The following PCGF6 variants were observed in gnomAD, a reference collection of about 807,000 sequenced individuals.
The protein encoded by PCGF6 is polycomb group ring finger 6, also known as polycomb group RING finger protein 6.
In PCGF6, 24 loss-of-function variants were observed where a neutral mutation model predicts 45.5. The observed-to-expected ratio is 0.53, with a 90% confidence interval of 0.38 to 0.74. PCGF6 has a LOEUF of 0.74. PCGF6 is among the 30% of genes least tolerant of loss of function. PCGF6 has a pLI of 0.00. For synonymous variants in PCGF6, 152 were observed against 162.1 expected (o/e 0.94, Z 0.47); for missense variants, 356 against 443.2 (o/e 0.80, Z 1.77).
intron 6 of PCGF6, among the ~76,000 whole-genome samples, chr10:103,341,190 T>C (rs569789456): frequency 5.3e-5 from 8 of 150,362 alleles, no homozygotes; most frequent in South Asian, 2.2e-4. Context: ...GATTGCGCCA[T>C]TGCACTCCAG....
At chr10:103,344,720 G>A (rs558248392) in intron 6 of PCGF6, among the ~76,000 whole-genome samples, 202 of 151,544 alleles carry the variant, frequency 1.3e-3, no homozygotes, top group South Asian at 2.1e-3. Context: ...CCGCCACCAC[G>A]CCCAGCTAAT....
intron 7 of PCGF6, among the ~76,000 whole-genome samples, chr10:103,332,216 G>GT (rs1395290253): frequency 1.3e-5 from 2 of 152,110 alleles, no homozygotes; most frequent in Admixed American, 6.6e-5. Context: ...TTTTTCATGT[G>GT]TAAGAACCAC....
intron 7 of PCGF6, among the ~76,000 whole-genome samples, chr10:103,330,177 C>T (rs2093234986): frequency 6.6e-6 from 1 of 151,946 alleles, no homozygotes; most frequent in Non-Finnish European, 1.5e-5. Context: ...CGGGTTCAAG[C>T]AATTCTCCTG....
chr10:103,306,542 T>G (rs2093138886), intron 9 of PCGF6, among the ~76,000 whole-genome samples: 1 of 152,210 alleles, frequency 6.6e-6, no homozygotes, highest in Non-Finnish European at 1.5e-5. Context: ...GTATTTCCAG[T>G]GCTGCTCTGG....
At chr10:103,318,326 C>T (rs1248793141) in intron 8 of PCGF6, among the ~76,000 whole-genome samples, 1 of 151,226 alleles carries the variant, frequency 6.6e-6, no homozygotes, top group Non-Finnish European at 1.5e-5. Flanking sequence ...ACCTGTAATC[C>T]CAGCTACTCA....
chr10:103,318,095 C>T (rs1337711283), intron 8 of PCGF6, among the ~76,000 whole-genome samples: 1 of 150,794 alleles, frequency 6.6e-6, no homozygotes, highest in Non-Finnish European at 1.5e-5. Flanking sequence ...GTGTATGGTC[C>T]TAGAACACTA....
chr10:103,335,891 C>T (rs1411216869), intron 6 of PCGF6, among the ~76,000 whole-genome samples: 2 of 151,756 alleles, frequency 1.3e-5, no homozygotes, highest in African/African-American at 2.4e-5. Flanking sequence ...TGCTTGAACC[C>T]GGGAGGCGGA....
intron 7 of PCGF6, among the ~76,000 whole-genome samples, chr10:103,327,374 G>A (rs1270246331): frequency 6.6e-6 from 1 of 152,136 alleles, no homozygotes; most frequent in Non-Finnish European, 1.5e-5. Flanking sequence ...AAAACATTAA[G>A]GGGTGTAAAT....
chr10:103,333,802 T>G (rs2093247987), intron 7 of PCGF6, 123 bp downstream of exon 7: 1 of 643,784 alleles, frequency 1.6e-6, no homozygotes, highest in Non-Finnish European at 2.5e-6. Context: ...ATCTATAATA[T>G]TATTAAATGT....
rs2093303459 is a variant in PCGF6, at chr10:103,347,388, AACTT to A, written c.613+3_613+6del. 1 of 1,600,822 alleles carries A rather than the reference AACTT, an allele frequency of 6.2e-7. No homozygotes were observed. Among genetic ancestry groups the A allele is most frequent in the Non-Finnish European group, 8.6e-7 (1 of 1,168,654 alleles). On this transcript the variant is annotated splice_donor_5th_base_variant and intron_variant, in intron 4 of 9. Transcript: ENST00000369847. The stretch of plus-strand genomic sequence containing the variant: ...GGATTCACAACCATGTAATAAAAGA[AACTT>A]ACTTTCCTCTAGATTGATCACTAAT...
chr10:103,331,658 A>G (rs1012190484), intron 7 of PCGF6, among the ~76,000 whole-genome samples: 1 of 152,192 alleles, frequency 6.6e-6, no homozygotes, highest in African/African-American at 2.4e-5. Context: ...ACTTTTCTCA[A>G]TAGGTTTCAT....
At chr10:103,320,975 T>A (rs548123554) in intron 8 of PCGF6, among the ~76,000 whole-genome samples, 1 of 152,326 alleles carries the variant, frequency 6.6e-6, no homozygotes, top group African/African-American at 2.4e-5. Context: ...ATATTAGAAG[T>A]AACTCTTAAT....
At chr10:103,324,679 G>T (rs537072068) in intron 8 of PCGF6, among the ~76,000 whole-genome samples, 1 of 146,372 alleles carries the variant, frequency 6.8e-6, no homozygotes, top group African/African-American at 2.5e-5. Context: ...AGAATCACTT[G>T]AACCCGGGAG....
intron 9 of PCGF6, among the ~76,000 whole-genome samples, chr10:103,312,173 C>G (rs1362151507): frequency 6.7e-6 from 1 of 149,450 alleles, no homozygotes; most frequent in South Asian, 2.1e-4. Flanking sequence ...GCAGGCAGAT[C>G]AGGAGGTCAG....
intron 8 of PCGF6, among the ~76,000 whole-genome samples, 176 bp from the exon 9 acceptor site, chr10:103,314,448 TA>T (rs1306412343): frequency 2.0e-5 from 3 of 152,248 alleles, no homozygotes; most frequent in African/African-American, 7.2e-5. Context: ...GTAAATAAGG[TA>T]ACATGGGAAG....
At chr10:103,312,070 CA>C (rs1376955339) in intron 9 of PCGF6, among the ~76,000 whole-genome samples, 2 of 102,610 alleles carry the variant, frequency 1.9e-5, no homozygotes, top group African/African-American at 8.0e-5. Context: ...GGTGACAGAG[CA>C]AGACTCTGTC....
intron 8 of PCGF6, among the ~76,000 whole-genome samples, chr10:103,321,441 CGGTGGCTCAT>C (rs1564726808): frequency 1.3e-5 from 2 of 152,022 alleles, no homozygotes; most frequent in African/African-American, 4.8e-5. Context: ...AGGCTGGGCG[CGGTGGCTCAT>C]GCCTGTAATC....
At chr10:103,343,343 C>T (rs1015937363) in intron 6 of PCGF6, among the ~76,000 whole-genome samples, 8 of 151,572 alleles carry the variant, frequency 5.3e-5, no homozygotes, top group Non-Finnish European at 1.0e-4. Flanking sequence ...AAAGAGATGA[C>T]TGAGAAGTAA....
At chr10:103,316,237 T>C (rs78742461) in intron 8 of PCGF6, among the ~76,000 whole-genome samples, 2,104 of 152,256 alleles carry the variant, frequency 0.014, 25 homozygotes, top group Non-Finnish European at 0.02. Flanking sequence ...ACCTTTCAAC[T>C]ACTGCCCATA....
Sources: allele counts gnomAD v4.1 joint callset (sites outside exome capture counted in the v4.1 genomes callset), GRCh38; gene constraint gnomAD v4.1.1; transcripts MANE v1.5; gene names NCBI Gene and HGNC (gene_info 2026-07-23, HGNC 2026-07-21).